NTM: variants seen among roughly 807,000 people sequenced by gnomAD.
The protein encoded by NTM is IgLON family member 2.
In NTM, 13 loss-of-function variants were observed where a neutral mutation model predicts 42.1. The observed-to-expected ratio is 0.31, with a 90% confidence interval of 0.20 to 0.49. NTM has a LOEUF of 0.49. Ranked by LOEUF, NTM falls within the 20% of genes least tolerant of loss-of-function variation. The pLI is 0.99. For missense variants in NTM, 373 were observed against 452.8 expected (o/e 0.82, Z 1.60); for synonymous variants, 187 against 179.2 (o/e 1.04, Z -0.35).
intron 1 of NTM, among the ~76,000 whole-genome samples, chr11:131,383,245 C>T (rs998904272): frequency 6.6e-5 from 10 of 152,198 alleles, no homozygotes; most frequent in Non-Finnish European, 5.9e-5. Context: ...ATTTATATTT[C>T]ATCCACTTCA....
At chr11:131,740,504 C>A (rs142696392) in intron 1 of NTM, among the ~76,000 whole-genome samples, 1 of 152,190 alleles carries the variant, frequency 6.6e-6, no homozygotes, top group African/African-American at 2.4e-5. Flanking sequence ...ACTAATTAAA[C>A]GATGTGTGTC....
intron 1 of NTM, among the ~76,000 whole-genome samples, chr11:131,515,392 G>T (rs117948091): frequency 0.012 from 1,833 of 152,254 alleles, 20 homozygotes; most frequent in Non-Finnish European, 0.019. Context: ...TCTCCCTGTG[G>T]TAGATGGCCT....
chr11:131,893,658 T>A (rs1027350994), intron 1 of NTM, among the ~76,000 whole-genome samples: 3 of 152,108 alleles, frequency 2.0e-5, no homozygotes, highest in African/African-American at 4.8e-5. Flanking sequence ...AATGGAATAC[T>A]TTGGATGTTT....
At chr11:132,096,575 C>T (rs1157262716) in intron 2 of NTM, among the ~76,000 whole-genome samples, 1 of 152,174 alleles carries the variant, frequency 6.6e-6, no homozygotes, top group Non-Finnish European at 1.5e-5. Flanking sequence ...ACTCCCCCCG[C>T]CCTCTAGGGC....
At chr11:132,079,018 T>C (rs1182991853) in intron 2 of NTM, among the ~76,000 whole-genome samples, 1 of 152,106 alleles carries the variant, frequency 6.6e-6, no homozygotes, top group African/African-American at 2.4e-5. Flanking sequence ...ACCGACAGCA[T>C]CATGGGGTCG....
At chr11:132,072,892 T>C (rs1441054338) in intron 2 of NTM, among the ~76,000 whole-genome samples, 1 of 151,932 alleles carries the variant, frequency 6.6e-6, no homozygotes, top group Non-Finnish European at 1.5e-5. Flanking sequence ...GGAATAGGGG[T>C]TTTCTCCTGG....
intron 1 of NTM, among the ~76,000 whole-genome samples, chr11:131,789,599 A>AGAAGG (rs2090379593): frequency 1.4e-5 from 1 of 71,226 alleles, no homozygotes; most frequent in Non-Finnish European, 2.8e-5. Flanking sequence ...GAAGAAGAAG[A>AGAAGG]AGAAGAAGAA....
At chr11:132,061,056 G>A (rs2080587073) in intron 2 of NTM, among the ~76,000 whole-genome samples, 1 of 152,132 alleles carries the variant, frequency 6.6e-6, no homozygotes, top group Admixed American at 6.5e-5. Flanking sequence ...ATATAGTAGT[G>A]CTGCAGCACA....
chr11:131,402,174 A>G (rs1208549998), intron 1 of NTM, among the ~76,000 whole-genome samples: 2 of 151,636 alleles, frequency 1.3e-5, no homozygotes, highest in Non-Finnish European at 2.9e-5. Flanking sequence ...ATATTCCAAA[A>G]ATAATGTTAT....
intron 2 of NTM, among the ~76,000 whole-genome samples, chr11:132,018,214 CTCTT>C (rs1266299262): frequency 6.6e-6 from 1 of 151,734 alleles, no homozygotes; most frequent in Non-Finnish European, 1.5e-5. Flanking sequence ...GCCTCCTTCT[CTCTT>C]TCTTCCTTTT....
At chr11:131,532,347 A>G (rs759785662) in intron 1 of NTM, among the ~76,000 whole-genome samples, 3 of 152,098 alleles carry the variant, frequency 2.0e-5, no homozygotes, top group Non-Finnish European at 4.4e-5. Context: ...GGCTTGTTTC[A>G]TTTAGCGTAA....
chr11:131,899,098 G>C (rs996787524), intron 1 of NTM, among the ~76,000 whole-genome samples: 13 of 152,184 alleles, frequency 8.5e-5, no homozygotes, highest in South Asian at 4.1e-4. Context: ...TCTTCTGGTT[G>C]CTAGAAGTCA....
intron 3 of NTM, among the ~76,000 whole-genome samples, chr11:132,182,761 C>T (rs550297734): frequency 1.6e-4 from 25 of 152,228 alleles, no homozygotes; most frequent in Middle Eastern, 3.4e-3. Context: ...GAATAAAATC[C>T]AAAGTCTTTA....
At chr11:131,458,795 G>C (rs920947569) in intron 1 of NTM, among the ~76,000 whole-genome samples, 1 of 152,234 alleles carries the variant, frequency 6.6e-6, no homozygotes, top group Non-Finnish European at 1.5e-5. Context: ...TGCAAACTTA[G>C]TTCACATCAA....
At chr11:131,465,665 G>C (rs565970423) in intron 1 of NTM, among the ~76,000 whole-genome samples, 3 of 152,330 alleles carry the variant, frequency 2.0e-5, no homozygotes, top group Admixed American at 2.0e-4. Flanking sequence ...AGTCAATAAA[G>C]TATTGAATTC....
At chr11:131,751,977 G>A (rs1366481118) in intron 1 of NTM, among the ~76,000 whole-genome samples, 2 of 152,112 alleles carry the variant, frequency 1.3e-5, no homozygotes, top group Non-Finnish European at 2.9e-5. Flanking sequence ...CTTCATAAAT[G>A]CAGAAGCCAA....
intron 1 of NTM, among the ~76,000 whole-genome samples, chr11:131,403,959 T>A (rs1268422448): frequency 1.3e-5 from 2 of 152,180 alleles, no homozygotes; most frequent in African/African-American, 4.8e-5. Flanking sequence ...CCTGCAATTA[T>A]CTTCCTCTTT....
chr11:131,589,403 T>A (rs764481403), intron 1 of NTM, among the ~76,000 whole-genome samples: 2 of 152,188 alleles, frequency 1.3e-5, no homozygotes. Flanking sequence ...TTTTTCACAC[T>A]GCCATCCCCC....
chr11:131,951,898 A>G (rs988306916), intron 2 of NTM, among the ~76,000 whole-genome samples: 2 of 151,934 alleles, frequency 1.3e-5, no homozygotes, highest in African/African-American at 4.8e-5. Context: ...TGAGAGCTTT[A>G]ACCCAAAGTC....
Sources: allele counts gnomAD v4.1 joint callset (sites outside exome capture counted in the v4.1 genomes callset), GRCh38; gene constraint gnomAD v4.1.1; transcripts MANE v1.5; gene names NCBI Gene and HGNC (gene_info 2026-07-23, HGNC 2026-07-21).